BMPR1B: variants seen among roughly 807,000 people sequenced by gnomAD.
BMPR1B encodes bone morphogenetic protein receptor type 1B.
BMPR1B carries 12 observed loss-of-function variants against 59.1 expected under a neutral mutation model. The observed-to-expected ratio is 0.20, with a 90% CI of 0.13 to 0.33. BMPR1B has a LOEUF of 0.33. BMPR1B is among the 10% of genes least tolerant of loss of function. The pLI, the probability that BMPR1B is intolerant of heterozygous loss-of-function variation, is 1.00. For missense variants in BMPR1B, 550 were observed against 610.9 expected (o/e 0.90, Z 1.05); for synonymous variants, 237 against 207.3 (o/e 1.14, Z -1.23).
At chr4:94,945,827 T>G (rs1729690213) in intron 2 of BMPR1B, among the ~76,000 whole-genome samples, 1 of 152,182 alleles carries the variant, frequency 6.6e-6, no homozygotes, top group Non-Finnish European at 1.5e-5. Context: ...CTATTATGGA[T>G]CTACCTGCAT....
At chr4:94,794,065 T>A (rs1723087129) in intron 1 of BMPR1B, among the ~76,000 whole-genome samples, 1 of 151,128 alleles carries the variant, frequency 6.6e-6, no homozygotes, top group African/African-American at 2.4e-5. Context: ...GCCATTGCTT[T>A]TGGTGTTTTA....
At chr4:94,783,168 T>C (rs541129315) in intron 1 of BMPR1B, among the ~76,000 whole-genome samples, 1 of 152,324 alleles carries the variant, frequency 6.6e-6, no homozygotes, top group South Asian at 2.1e-4. Context: ...GATCCACGAA[T>C]TGCTGGCCGA....
At chr4:95,060,418 C>T (rs999561379) in intron 3 of BMPR1B, among the ~76,000 whole-genome samples, 4 of 152,274 alleles carry the variant, frequency 2.6e-5, no homozygotes, top group South Asian at 2.1e-4. Context: ...ATTTTATCAG[C>T]ATGATGTGTT....
chr4:94,922,610 G>C (rs1728745802), intron 2 of BMPR1B, among the ~76,000 whole-genome samples: 1 of 151,984 alleles, frequency 6.6e-6, no homozygotes, highest in Non-Finnish European at 1.5e-5. Context: ...TCATCAGTGT[G>C]ACTTCTAGAA....
intron 3 of BMPR1B, among the ~76,000 whole-genome samples, chr4:95,022,454 A>C (rs2149138905): frequency 6.6e-6 from 1 of 152,292 alleles, no homozygotes; most frequent in African/African-American, 2.4e-5. Context: ...AATCATTTAT[A>C]ATCATTTGGC....
chr4:95,073,582 G>A (rs1418652514), intron 3 of BMPR1B, among the ~76,000 whole-genome samples: 1 of 152,020 alleles, frequency 6.6e-6, no homozygotes, highest in South Asian at 2.1e-4. Context: ...AATTGGATGA[G>A]GGACTGAAAA....
intron 1 of BMPR1B, among the ~76,000 whole-genome samples, chr4:94,785,227 T>A (rs1236832647): frequency 6.6e-6 from 1 of 152,192 alleles, no homozygotes; most frequent in African/African-American, 2.4e-5. Context: ...TACTCTTCCT[T>A]CCCTGTGCTC....
At chr4:95,140,547 C>CT (rs1734154401) in intron 10 of BMPR1B, among the ~76,000 whole-genome samples, 1 of 152,108 alleles carries the variant, frequency 6.6e-6, no homozygotes, top group Non-Finnish European at 1.5e-5. Context: ...AGAATCACCT[C>CT]TAAGTCACTT....
chr4:95,105,910 T>G (rs369974291), intron 4 of BMPR1B, among the ~76,000 whole-genome samples: 8 of 151,934 alleles, frequency 5.3e-5, no homozygotes, highest in African/African-American at 1.9e-4. Flanking sequence ...ATTTTACTAT[T>G]GTGTCTTAAG....
At chr4:94,774,335 T>C (rs1019730044) in intron 1 of BMPR1B, among the ~76,000 whole-genome samples, 2 of 152,042 alleles carry the variant, frequency 1.3e-5, no homozygotes, top group African/African-American at 2.4e-5. Context: ...TTTACATGAA[T>C]TGTTTGCTCT....
intron 2 of BMPR1B, among the ~76,000 whole-genome samples, chr4:94,971,802 C>T (rs1435864155): frequency 1.3e-5 from 2 of 151,790 alleles, no homozygotes; most frequent in Admixed American, 1.3e-4. Flanking sequence ...CAGTTTATTT[C>T]TTATATACTC....
chr4:94,948,181 A>G (rs1442362679), intron 2 of BMPR1B, among the ~76,000 whole-genome samples: 2 of 152,196 alleles, frequency 1.3e-5, no homozygotes, highest in Admixed American at 1.3e-4. Context: ...CGTGACAGGT[A>G]CTTGCCTTTC....
intron 1 of BMPR1B, among the ~76,000 whole-genome samples, chr4:94,818,030 T>G (rs535018024): frequency 6.6e-6 from 1 of 152,126 alleles, no homozygotes; most frequent in Non-Finnish European, 1.5e-5. Flanking sequence ...AAGGCATTAG[T>G]TTTTCAGAAG....
chr4:94,778,189 C>T (rs905002127), intron 1 of BMPR1B, among the ~76,000 whole-genome samples: 2 of 152,162 alleles, frequency 1.3e-5, no homozygotes, highest in African/African-American at 4.8e-5. Flanking sequence ...ATGCATTCCT[C>T]AGTTGCATTT....
At chr4:94,858,616 G>T (rs988760981) in intron 1 of BMPR1B, among the ~76,000 whole-genome samples, 4 of 151,764 alleles carry the variant, frequency 2.6e-5, no homozygotes, top group Admixed American at 2.0e-4. Flanking sequence ...GAGTTATCTT[G>T]AGTCTAAGAA....
At chr4:95,108,423 T>C (rs1731347388) in intron 4 of BMPR1B, among the ~76,000 whole-genome samples, 1 of 152,110 alleles carries the variant, frequency 6.6e-6, no homozygotes, top group Admixed American at 6.6e-5. Flanking sequence ...GTGGTAGGTT[T>C]CATGTTCATT....
chr4:94,849,674 G>T (rs1321691426), intron 1 of BMPR1B, among the ~76,000 whole-genome samples: 9 of 151,960 alleles, frequency 5.9e-5, no homozygotes, highest in African/African-American at 2.2e-4. Flanking sequence ...AGGGGGATGG[G>T]CTCAGGTAGG....
chr4:95,074,464 CACAGG>C (rs1369029481), intron 3 of BMPR1B, among the ~76,000 whole-genome samples: 9 of 152,032 alleles, frequency 5.9e-5, no homozygotes, highest in Non-Finnish European at 1.3e-4. Flanking sequence ...TGGAGGGGTG[CACAGG>C]AATAGTTAAC....
intron 3 of BMPR1B, among the ~76,000 whole-genome samples, chr4:95,019,026 GT>G (rs946708428): frequency 4.6e-5 from 7 of 151,242 alleles, no homozygotes; most frequent in Admixed American, 6.6e-5. Flanking sequence ...ACTTTCAACA[GT>G]TTTTTTTTCA....
Sources: gnomAD v4.1 joint callset for allele counts (sites outside exome capture counted in the v4.1 genomes callset) on GRCh38, gnomAD v4.1.1 for gene constraint, MANE v1.5 for transcripts, NCBI Gene and HGNC (gene_info 2026-07-23, HGNC 2026-07-21) for gene names.